The following PFKFB3 variants were observed in gnomAD, a reference collection of about 807,000 sequenced individuals.
The protein encoded by PFKFB3 is 6-phosphofructo-2-kinase/fructose-2,6-biphosphatase 3.
Under a neutral mutation model 68.0 loss-of-function variants are expected in PFKFB3, and 33 were observed. The ratio of observed to expected loss-of-function variants is 0.49; its 90% CI spans 0.37 to 0.65. PFKFB3 has a LOEUF of 0.65. Among genes scored for constraint, PFKFB3 ranks in the 30% least tolerant of loss-of-function variants. PFKFB3 has a pLI of 0.00. For synonymous variants in PFKFB3, 315 were observed against 288.2 expected, an observed-to-expected ratio of 1.09 and a Z score of -0.94; for missense variants, 586 against 712.2, an observed-to-expected ratio of 0.82 and a Z score of 2.02.
At chr10:6,309,757 G>C in the PFKFB3 span, among the ~76,000 whole-genome samples, 2 of 152,152 alleles carry the variant, frequency 1.3e-5, no homozygotes, top group Non-Finnish European at 2.9e-5. Context: ...AATCAGGAAT[G>C]GGGGAGAGGA....
the PFKFB3 span, among the ~76,000 whole-genome samples, chr10:6,272,764 C>T: frequency 6.6e-6 from 1 of 152,114 alleles, no homozygotes; most frequent in Non-Finnish European, 1.5e-5. Flanking sequence ...TTTCCGTCAG[C>T]CCTGTTCCAT....
chr10:6,202,734 C>T (rs908216777), upstream of PFKFB3: 7 of 277,844 alleles, frequency 2.5e-5, no homozygotes, highest in Non-Finnish European at 3.9e-5. Flanking sequence ...GCTCCAGGCC[C>T]GGGGCAGGGC....
intron 1 of PFKFB3, among the ~76,000 whole-genome samples, chr10:6,156,129 A>ATATGTGTGTGTGTGTGTG (rs1554840060): frequency 1.0e-5 from 1 of 96,860 alleles, no homozygotes; most frequent in African/African-American, 2.9e-5. Flanking sequence ...GTACATATAT[A>ATATGTGTGTGTGTGTGTG]TGTGTGTGTG....
chr10:6,293,877 G>T, the PFKFB3 span: 1 of 413,590 alleles, frequency 2.4e-6, no homozygotes, highest in South Asian at 2.1e-5. Flanking sequence ...AGTTATCCTT[G>T]ACTTGCTGAA....
rs1443449210 is a variant in PFKFB3, at chr10:6,206,540, C to T, written c.76+3204C>T. 1.6e-4 allele frequency among the ~76,000 whole-genome samples: 18 copies of T among 109,992 alleles called. 1 individual carries two copies. Among genetic ancestry groups the T allele is most frequent in the African/African-American group, 6.8e-4 (16 of 23,422 alleles). The allele number at this position is 109,992 out of a possible 152,430, so 72.2% of individuals were successfully genotyped here. A position where few individuals can be genotyped will look rare whatever the true frequency, so the allele number is the denominator to read the frequency against. ...CCCAGTAGGGGCGGCCGGGCAGAGG[C>T]GCCCCTCACCTCCCGGACGGGGCGG... On this transcript the variant is annotated intron_variant, in intron 1 of 14. Coordinates refer to ENST00000379775, the MANE Select transcript of PFKFB3 (RefSeq NM_004566.4).
chr10:6,173,323 C>T (rs140074368), intron 1 of PFKFB3, among the ~76,000 whole-genome samples: 3 of 152,274 alleles, frequency 2.0e-5, no homozygotes, highest in Admixed American at 1.3e-4. Context: ...CTGCTGGGGC[C>T]GGGCAGTGGT....
At chr10:6,266,362 T>C in the PFKFB3 span, among the ~76,000 whole-genome samples, 4 of 152,344 alleles carry the variant, frequency 2.6e-5, no homozygotes, top group African/African-American at 9.6e-5. Context: ...TCTCCTCTTC[T>C]GCTTTGAGGA....
downstream of PFKFB3, among the ~76,000 whole-genome samples, chr10:6,237,587 G>C (rs1384974740): frequency 2.0e-5 from 3 of 152,148 alleles, no homozygotes. Context: ...TTTGTTTTTT[G>C]AGACAGGGTT....
intron 14 of PFKFB3, chr10:6,231,618 C>G (rs1845748618): frequency 9.2e-6 from 9 of 980,412 alleles, no homozygotes; most frequent in Non-Finnish European, 1.1e-5. Flanking sequence ...CAGGTTGGAG[C>G]CAGCAGATGC....
chr10:6,157,382 C>A (rs547253242), intron 1 of PFKFB3, among the ~76,000 whole-genome samples: 1,634 of 151,716 alleles, frequency 0.011, 65 homozygotes, highest in East Asian at 0.1. Flanking sequence ...GCCCGCCGCC[C>A]CGCCCAGCTA....
At chr10:6,255,457 G>A (rs975225701), downstream of PFKFB3, among the ~76,000 whole-genome samples, 6 of 152,178 alleles carry the variant, frequency 3.9e-5, no homozygotes, top group Admixed American at 6.5e-5. Context: ...CCATGTAAGC[G>A]AAGCAAAATT....
At chr10:6,311,549 G>T in the PFKFB3 span, among the ~76,000 whole-genome samples, 1 of 152,088 alleles carries the variant, frequency 6.6e-6, no homozygotes, top group Admixed American at 6.6e-5. Flanking sequence ...AGGAGCTCGA[G>T]ACCAGCCTGG....
the PFKFB3 span, among the ~76,000 whole-genome samples, chr10:6,261,678 G>A: frequency 6.6e-6 from 1 of 152,052 alleles, no homozygotes; most frequent in African/African-American, 2.4e-5. Context: ...GGCCAACATG[G>A]TAAAACCCCA....
chr10:6,269,047 TTAAAGA>T, the PFKFB3 span, among the ~76,000 whole-genome samples: 1 of 145,634 alleles, frequency 6.9e-6, no homozygotes, highest in Non-Finnish European at 1.5e-5. Flanking sequence ...AAAAAAAAAG[TTAAAGA>T]TTTTTAAAAA....
chr10:6,225,667 G>T (rs1845292378), intron 13 of PFKFB3, among the ~76,000 whole-genome samples: 1 of 152,118 alleles, frequency 6.6e-6, no homozygotes, highest in Non-Finnish European at 1.5e-5. Context: ...TGCGCCTTTG[G>T]TCTCCAGGCT....
Position 6,202,959 on chromosome 10 carries a change from A to T in PFKFB3, c.-302A>T. 1 of 1,268,772 alleles carries T rather than the reference A, an allele frequency of 7.9e-7. No homozygotes were observed. Among genetic ancestry groups the T allele is most frequent in the Non-Finnish European group, 9.9e-7 (1 of 1,005,602 alleles). The allele number at this position is 1,268,772 out of a possible 1,614,324, so 78.6% of individuals were successfully genotyped here. ...CCAAGCCGGAGAGGAGGCGAGCAGC[A>T]GGGCCTGGTGGCGAGAGCGCGGCTG... is the stretch of plus-strand genomic sequence containing the variant. On this transcript the variant is annotated 5_prime_UTR_variant, in exon 1 of 15. Transcript: ENST00000379775.
rs372640050 is a variant in PFKFB3 at position 6,221,432 on chromosome 10, C to G, written c.883C>G (p.Arg295Gly). ...FVEEQNLKDLRVWTSQLKSTI... is the reference protein window; with the variant it reads ...FVEEQNLKDLGVWTSQLKSTI... ...GGAGGAGCAGAACCTGAAGGACCTG[C>G]GCGTGTGGACCAGCCAGCTGAAGAG... Residue 295 changes from arginine to glycine, a missense_variant, in exon 9 of 15, where the codon CGC becomes GGC. Physicochemically the swap from Arg to Gly is moderately radical, Grantham distance 125. Coordinates refer to ENST00000379775, the MANE Select transcript of PFKFB3 (RefSeq NM_004566.4). 9 of 1,613,690 alleles carry G rather than the reference C, an allele frequency of 5.6e-6. No homozygotes were observed. Among genetic ancestry groups the G allele is most frequent in the African/African-American group, 1.3e-5 (1 of 74,908 alleles).
intron 14 of PFKFB3, 109 bp downstream of exon 14, chr10:6,226,474 T>C (rs1845365206): frequency 2.4e-5 from 25 of 1,050,552 alleles, no homozygotes; most frequent in Non-Finnish European, 3.2e-5. Context: ...CGTGGGTGCG[T>C]GTGGGTGCGC....
chr10:6,231,276 C>T (rs1189101453), intron 14 of PFKFB3: 1 of 1,610,762 alleles, frequency 6.2e-7, no homozygotes, highest in Non-Finnish European at 8.5e-7. Context: ...AACTGTCTGT[C>T]ACATTTTCTC....
Sources: gnomAD v4.1 joint callset for allele counts (sites outside exome capture counted in the v4.1 genomes callset) on GRCh38, gnomAD v4.1.1 for gene constraint, MANE v1.5 for transcripts, NCBI Gene and HGNC (gene_info 2026-07-23, HGNC 2026-07-21) for gene names.